The following OSGIN2 variants were observed in gnomAD, a reference collection of about 807,000 sequenced individuals.
The protein encoded by OSGIN2 is oxidative stress induced growth inhibitor family member 2.
OSGIN2 carries 19 observed loss-of-function variants against 53.8 expected under a neutral mutation model. The observed-to-expected ratio is 0.35, with a 90% confidence interval of 0.25 to 0.52. The LOEUF is 0.52. Among genes scored for constraint, OSGIN2 ranks in the 20% least tolerant of loss-of-function variants. OSGIN2 has a pLI of 0.95. For missense variants in OSGIN2, 520 were observed against 662.7 expected, an observed-to-expected ratio of 0.78 and a Z score of 2.36; for synonymous variants, 236 against 236.0, an observed-to-expected ratio of 1.00 and a Z score of 0.00.
Position 89,923,195 on chromosome 8 carries a change from G to T in OSGIN2, c.621-1308G>T, listed in dbSNP as rs532832884. 2.6e-5 allele frequency among the ~76,000 whole-genome samples: 4 copies of T among 152,172 alleles called. No individual in the cohort carries two copies. In the South Asian group the frequency reaches 8.3e-4, roughly 32 times the overall value. On this transcript the variant is annotated intron_variant, in intron 5 of 5. Coordinates refer to ENST00000451899, the MANE Select transcript of OSGIN2 (RefSeq NM_001126111.3). Reference sequence around the variant, plus strand: ...GTACACTGAATTTCTTTTTAAAAAAGTAATTTTACCACAACTTTAAGATGG... The same window carrying T: ...GTACACTGAATTTCTTTTTAAAAAATTAATTTTACCACAACTTTAAGATGG...
Position 89,903,828 on chromosome 8 carries a change from AAC to A in OSGIN2, c.44+995_44+996del, listed in dbSNP as rs562157421. On this transcript the variant is annotated intron_variant, in intron 1 of 5. Coordinates refer to ENST00000451899, the MANE Select transcript of OSGIN2 (RefSeq NM_001126111.3). Reference sequence around the variant, plus strand: ...GTTTATACTTATTCAAAATTATAGTAACACATCACTGAATTTATTGAATGCAA... The same window carrying A: ...GTTTATACTTATTCAAAATTATAGTAACATCACTGAATTTATTGAATGCAA... Among the ~76,000 whole-genome samples, 37 of 152,368 alleles carry A rather than the reference AAC, an allele frequency of 2.4e-4. No individual in the cohort carries two copies. In the East Asian group the frequency reaches 5.4e-3, roughly 22 times the overall value.
intron 4 of OSGIN2, among the ~76,000 whole-genome samples, chr8:89,919,106 A>C (rs2697674): frequency 1.3e-5 from 2 of 151,994 alleles, no homozygotes; most frequent in African/African-American, 4.8e-5. Flanking sequence ...ACCATACTCC[A>C]ATCTAGCCCT....
chr8:89,904,841 G>A (rs1482306343), intron 1 of OSGIN2, among the ~76,000 whole-genome samples: 1 of 152,076 alleles, frequency 6.6e-6, no homozygotes, highest in Middle Eastern at 3.2e-3. Context: ...AAAAAACACA[G>A]ATTATAAAAC....
intron 2 of OSGIN2, among the ~76,000 whole-genome samples, 155 bp downstream of exon 2, chr8:89,909,876 A>C (rs2141408): frequency 0.21 from 31,739 of 152,100 alleles, 3,483 homozygotes; most frequent in East Asian, 0.26. Context: ...TTGGAGAGTA[A>C]TTGGTTTATC....
intron 5 of OSGIN2, among the ~76,000 whole-genome samples, chr8:89,923,241 A>C (rs1483280691): frequency 6.6e-6 from 1 of 152,216 alleles, no homozygotes; most frequent in African/African-American, 2.4e-5. Context: ...ACTAAGCTGT[A>C]GGAATTTTTC....
At chr8:89,922,805 A>G (rs963191053) in intron 5 of OSGIN2, among the ~76,000 whole-genome samples, 5 of 152,168 alleles carry the variant, frequency 3.3e-5, no homozygotes, top group African/African-American at 9.7e-5. Flanking sequence ...TGTACTTAAC[A>G]CAAACCTCCG....
At chr8:89,906,585 C>T (rs1039896146) in intron 1 of OSGIN2, among the ~76,000 whole-genome samples, 65 of 152,242 alleles carry the variant, frequency 4.3e-4, no homozygotes, top group African/African-American at 1.4e-3. Flanking sequence ...CCAGCTCCAT[C>T]TATGTCCCTG....
chr8:89,908,721 A>G (rs1222464919), intron 1 of OSGIN2, among the ~76,000 whole-genome samples: 4 of 152,202 alleles, frequency 2.6e-5, no homozygotes, highest in Admixed American at 2.6e-4. Flanking sequence ...ATTGCATGAA[A>G]ATGTGAGAAT....
chr8:89,918,221 G>C (rs1472203791), intron 4 of OSGIN2, among the ~76,000 whole-genome samples: 1 of 152,050 alleles, frequency 6.6e-6, no homozygotes, highest in Admixed American at 6.6e-5. Flanking sequence ...TCTTTCTTAG[G>C]TTCTCTGAAT....
intron 2 of OSGIN2, 121 bp from the exon 3 acceptor site, chr8:89,913,956 A>G (rs886592514): frequency 8.6e-6 from 7 of 812,720 alleles, no homozygotes; most frequent in African/African-American, 1.8e-5. Context: ...ATCTGGTTTT[A>G]AGAGATTAGA....
At chr8:89,921,043 T>G (rs964961218) in intron 4 of OSGIN2, 37 bp from the exon 5 acceptor site, 37 of 1,258,596 alleles carry the variant, frequency 2.9e-5, no homozygotes, top group Non-Finnish European at 4.1e-5. Context: ...TACTTCTTGT[T>G]TTTTGACGGT....
rs1254830813 is a variant in OSGIN2 at position 89,914,684 on chromosome 8, G to C, written c.466G>C (p.Glu156Gln). The C allele has an allele frequency of 1.2e-6, 2 of 1,614,098 alleles. No individual in the cohort carries two copies. The highest frequency in any genetic ancestry group is 3.3e-5 in the Admixed American group (2 of 60,022). ...DYPSVLHWKL[E>Q]QHHYIPHVVL... ...TCCATCCGTTTTGCATTGGAAATTA[G>C]AGCAACATCATTATATCCCTCACGT... The change falls in exon 4 of 6, where the codon GAG becomes CAG. Residue 156 changes from glutamate to glutamine, a missense_variant. Physicochemically the swap from Glu to Gln is conservative, Grantham distance 29. Coordinates refer to ENST00000451899, the MANE Select transcript of OSGIN2 (RefSeq NM_001126111.3).
At chr8:89,904,823 AAC>A (rs1425691572) in intron 1 of OSGIN2, among the ~76,000 whole-genome samples, 1 of 152,202 alleles carries the variant, frequency 6.6e-6, no homozygotes, top group Non-Finnish European at 1.5e-5. Context: ...AAAAACAAAA[AAC>A]ACACAAAAAA....
At chr8:89,905,059 A>G (rs1808806697) in intron 1 of OSGIN2, among the ~76,000 whole-genome samples, 1 of 152,228 alleles carries the variant, frequency 6.6e-6, no homozygotes, top group Non-Finnish European at 1.5e-5. Flanking sequence ...ATAAAAATTC[A>G]GTTAGTAAAG....
chr8:89,925,519 A>G lies in OSGIN2; in HGVS notation c.1637A>G (p.Asp546Gly), dbSNP rs1809306320. Residue 546 changes from aspartate (D) to glycine (G), a missense_variant, in exon 6 of 6, where the codon GAT becomes GGT. Physicochemically the swap from Asp to Gly is moderately conservative, Grantham distance 94. Transcript: ENST00000451899. ...KHLFVERGGG[D>G]GIA ...TTGTTTGTTGAAAGAGGAGGAGGAGATGGGATAGCTTAAAGCAAGTTTACA... is the reference window on the plus strand; with the variant it reads ...TTGTTTGTTGAAAGAGGAGGAGGAGGTGGGATAGCTTAAAGCAAGTTTACA... The G allele has an allele frequency of 2.5e-6, 4 of 1,612,858 alleles. No homozygotes were observed. Among genetic ancestry groups the G allele is most frequent in the Non-Finnish European group, 3.4e-6 (4 of 1,179,334 alleles).
chr8:89,920,204 T>C (rs1809167908), intron 4 of OSGIN2, among the ~76,000 whole-genome samples: 2 of 152,192 alleles, frequency 1.3e-5, no homozygotes, highest in Admixed American at 1.3e-4. Flanking sequence ...GGTGGCAGCT[T>C]GCTACATTCT....
chr8:89,917,392 T>C (rs934752413), intron 4 of OSGIN2, among the ~76,000 whole-genome samples: 2 of 152,222 alleles, frequency 1.3e-5, no homozygotes, highest in Admixed American at 1.3e-4. Flanking sequence ...TTCATATCCT[T>C]ACTTACCCAG....
rs1032570955 is a variant in OSGIN2 at position 89,927,795 on chromosome 8, G to C, written c.*2263G>C. On this transcript the variant is annotated 3_prime_UTR_variant, in exon 6 of 6. Transcript: ENST00000451899. The stretch of plus-strand genomic sequence containing the variant: ...CTAGTTCTATGTAATATATTTCTGT[G>C]GCATCAAATTTTAGTTGATTGTATT... 2.0e-5 allele frequency: 3 copies of C among 151,978 alleles called. No individual in the cohort carries two copies. The highest frequency in any genetic ancestry group is 7.3e-5 in the African/African-American group (3 of 41,370). 9.4% of individuals were successfully genotyped at this position (151,978 alleles called of 1,614,324 possible). A position where few individuals can be genotyped will look rare whatever the true frequency, so the allele number is the denominator to read the frequency against.
upstream of OSGIN2, chr8:89,902,432 C>T (rs1464953825): frequency 1.3e-5 from 2 of 152,090 alleles, no homozygotes; most frequent in Non-Finnish European, 2.9e-5. Flanking sequence ...GGCCCCTCGC[C>T]CGGGCCGTGG....
Sources: gnomAD v4.1 joint callset for allele counts (sites outside exome capture counted in the v4.1 genomes callset) on GRCh38, gnomAD v4.1.1 for gene constraint, MANE v1.5 for transcripts, NCBI Gene and HGNC (gene_info 2026-07-23, HGNC 2026-07-21) for gene names.